CSMD1: variants seen among roughly 807,000 people sequenced by gnomAD.
CSMD1 encodes CUB and Sushi multiple domains 1.
In CSMD1, 213 loss-of-function variants were observed where a neutral mutation model predicts 417.5. The ratio of observed to expected loss-of-function variants is 0.51; its 90% confidence interval spans 0.46 to 0.57. The LOEUF is 0.57. CSMD1 is among the 20% of genes least tolerant of loss of function. The pLI, the probability that CSMD1 is intolerant of heterozygous loss-of-function variation, is 0.00. For missense variants in CSMD1, 6,923 were observed against 4,529.7 expected (o/e 1.53, Z -15.17); for synonymous variants, 2,862 against 1,736.8 (o/e 1.65, Z -16.11).
intron 5 of CSMD1, among the ~76,000 whole-genome samples, chr8:3,992,025 G>A (rs999433423): frequency 3.3e-5 from 5 of 151,886 alleles, no homozygotes; most frequent in East Asian, 1.9e-4. Context: ...TTTAATTAAA[G>A]CAGGGGTTTA....
rs906266471 is a variant in CSMD1 at position 4,624,907 on chromosome 8, T to C, written c.302+12435A>G. Among the ~76,000 whole-genome samples the C allele has an allele frequency of 2.9e-4, 44 of 152,162 alleles. 1 individual carries two copies. The highest frequency in any genetic ancestry group is 1.0e-3 in the African/African-American group (42 of 41,424). On this transcript the variant is annotated intron_variant, in intron 2 of 69. Transcript: ENST00000635120. The stretch of plus-strand genomic sequence containing the variant: ...GGGCAGAGAAGGCACTGGCATTCTT[T>C]TTTAAAATTAAAGTGTGCTCCTGGT...
At chr8:3,802,724 T>G (rs572974633) in intron 5 of CSMD1, among the ~76,000 whole-genome samples, 1 of 152,300 alleles carries the variant, frequency 6.6e-6, no homozygotes, top group East Asian at 1.9e-4. Flanking sequence ...TTAATTTATT[T>G]TAATTAAAAG....
intron 3 of CSMD1, among the ~76,000 whole-genome samples, chr8:4,380,228 C>T (rs2128918231): frequency 6.6e-6 from 1 of 152,272 alleles, no homozygotes. Context: ...AAAAAGGACA[C>T]CAGAGTAACC....
intron 1 of CSMD1, among the ~76,000 whole-genome samples, chr8:4,706,756 G>C (rs537923954): frequency 8.5e-5 from 13 of 152,282 alleles, no homozygotes; most frequent in African/African-American, 2.6e-4. Context: ...AGAGAGAAGG[G>C]CTCTCACTCA....
chr8:3,411,685 T>C (rs1197317615), intron 12 of CSMD1, among the ~76,000 whole-genome samples: 2 of 21,126 alleles, frequency 9.5e-5, no homozygotes, highest in Non-Finnish European at 2.6e-4. Flanking sequence ...TATATACGTG[T>C]ATATATACAC....
At position 3,682,175 on chromosome 8, in the gene CSMD1, G is replaced by C. The variant is rs191372685; in HGVS notation, c.1009+26239C>G. The stretch of plus-strand genomic sequence containing the variant: ...AACACCAAAAGCAATGGCAACAAAA[G>C]CCAAAATTGACAAATGGGATCTAAT... On this transcript the variant is annotated intron_variant, in intron 7 of 69. Coordinates refer to ENST00000635120, the MANE Select transcript of CSMD1 (RefSeq NM_033225.6). 3.4e-3 allele frequency among the ~76,000 whole-genome samples: 518 copies of C among 152,196 alleles called. 2 individuals are homozygous for C. Among genetic ancestry groups the C allele is most frequent in the Non-Finnish European group, 5.8e-3 (393 of 68,016 alleles).
At chr8:3,173,749 T>C (rs1459123809) in intron 37 of CSMD1, among the ~76,000 whole-genome samples, 1 of 152,198 alleles carries the variant, frequency 6.6e-6, no homozygotes, top group Non-Finnish European at 1.5e-5. Flanking sequence ...TCATGTTTCC[T>C]GTGATGTTAC....
At chr8:4,751,813 A>T (rs1446610300) in intron 1 of CSMD1, among the ~76,000 whole-genome samples, 1 of 152,162 alleles carries the variant, frequency 6.6e-6, no homozygotes, top group Non-Finnish European at 1.5e-5. Context: ...TGCAGAGTCC[A>T]CATGATGTCT....
At chr8:3,111,949 T>C (rs1308550980) in intron 42 of CSMD1, among the ~76,000 whole-genome samples, 1 of 152,036 alleles carries the variant, frequency 6.6e-6, no homozygotes, top group Non-Finnish European at 1.5e-5. Flanking sequence ...GTTCACATGC[T>C]TTTCTTCTAT....
At chr8:3,987,266 G>A (rs928136359) in intron 5 of CSMD1, among the ~76,000 whole-genome samples, 1 of 152,152 alleles carries the variant, frequency 6.6e-6, no homozygotes, top group Non-Finnish European at 1.5e-5. Context: ...GCTACACACA[G>A]CCCAGTGTTT....
At chr8:3,259,858 A>T in intron 26 of CSMD1, among the ~76,000 whole-genome samples, 1 of 57,676 alleles carries the variant, frequency 1.7e-5, no homozygotes, top group African/African-American at 4.9e-5. Context: ...GTTAAAAAAT[A>T]TCAAAATAAA....
chr8:2,954,369 T>C (rs1352015307), intron 64 of CSMD1, 101 bp from the exon 65 acceptor site: 2 of 665,422 alleles, frequency 3.0e-6, no homozygotes, highest in African/African-American at 3.7e-5. Context: ...CTCCAGATTT[T>C]TTTAATGTAC....
intron 7 of CSMD1, among the ~76,000 whole-genome samples, chr8:3,689,140 G>C (rs1002730495): frequency 1.3e-5 from 2 of 152,154 alleles, no homozygotes; most frequent in Admixed American, 6.5e-5. Flanking sequence ...TTTGGTTTAA[G>C]TTGTGAGACA....
At chr8:3,401,337 TTA>T (rs1177310380) in intron 15 of CSMD1, among the ~76,000 whole-genome samples, 2 of 152,164 alleles carry the variant, frequency 1.3e-5, no homozygotes, top group Admixed American at 6.6e-5. Context: ...TTTTGCATTT[TTA>T]TGTTTCTTGG....
chr8:4,025,085 G>T (rs1175800929), intron 4 of CSMD1, among the ~76,000 whole-genome samples: 1 of 152,146 alleles, frequency 6.6e-6, no homozygotes, highest in Non-Finnish European at 1.5e-5. Context: ...ATTCAGAATT[G>T]GAGCAATGGA....
chr8:4,623,959 A>C (rs1214880071), intron 2 of CSMD1, among the ~76,000 whole-genome samples: 2 of 152,046 alleles, frequency 1.3e-5, no homozygotes, highest in Admixed American at 1.3e-4. Context: ...CCAATTTAAA[A>C]TTTTCAATAT....
intron 5 of CSMD1, among the ~76,000 whole-genome samples, chr8:3,957,247 G>C (rs1025312563): frequency 2.0e-5 from 3 of 152,216 alleles, no homozygotes; most frequent in Non-Finnish European, 2.9e-5. Flanking sequence ...CAGTCTTTGT[G>C]TGTAGGTTTC....
chr8:4,149,757 G>A (rs774383046), intron 3 of CSMD1, among the ~76,000 whole-genome samples: 9 of 152,184 alleles, frequency 5.9e-5, no homozygotes, highest in Middle Eastern at 3.2e-3. Flanking sequence ...ATCCAGCCAG[G>A]CCTTGCTGGA....
intron 1 of CSMD1, among the ~76,000 whole-genome samples, chr8:4,715,089 C>G (rs994235180): frequency 6.6e-6 from 1 of 152,140 alleles, no homozygotes. Context: ...CAAAAACACT[C>G]CAGTCCTCTC....
Sources: gnomAD v4.1 joint callset for allele counts (sites outside exome capture counted in the v4.1 genomes callset) on GRCh38, gnomAD v4.1.1 for gene constraint, MANE v1.5 for transcripts, NCBI Gene and HGNC (gene_info 2026-07-23, HGNC 2026-07-21) for gene names.